ZAN: variants seen among roughly 807,000 people sequenced by gnomAD.
ZAN encodes the protein zonadhesin.
A neutral mutation model predicts 286.2 loss-of-function variants in ZAN; 260 were observed. That is an observed-to-expected ratio of 0.91 (90% confidence interval 0.82 to 1.01). The LOEUF is 1.01. Ranked by LOEUF, ZAN falls within the 50% of genes least tolerant of loss-of-function variation. The probability of loss-of-function intolerance (pLI) is 0.00; values close to 1 mark genes in which losing one functional copy is unlikely to be tolerated. For missense variants in ZAN, 3,410 were observed against 3,639.2 expected, an observed-to-expected ratio of 0.94 and a Z score of 1.62; for synonymous variants, 1,368 against 1,417.5, an observed-to-expected ratio of 0.97 and a Z score of 0.79.
intron 15 of ZAN, among the ~76,000 whole-genome samples, 192 bp downstream of exon 15, chr7:100,755,602 C>T (rs540897528): frequency 6.6e-6 from 1 of 152,088 alleles, no homozygotes; most frequent in Non-Finnish European, 1.5e-5. Flanking sequence ...GACAGGGTCT[C>T]GCTTTGTCGC....
In ZAN at chr7:100,736,983, G is replaced by A. The variant is rs529432579; in HGVS notation, c.428G>A (p.Arg143His). ...RLLLLSGEEG[R>H]RPDVLWKHWN... Reference sequence around the variant, plus strand: ...CTGCTGCTCTCGGGTGAAGAGGGCCGCCGCCCCGATGTGCTCTGGAAACAC... The same window carrying A: ...CTGCTGCTCTCGGGTGAAGAGGGCCACCGCCCCGATGTGCTCTGGAAACAC... The change falls in exon 5 of 48, where the codon CGC becomes CAC. Residue 143 changes from arginine (R) to histidine (H), a missense_variant. Physicochemically the swap from Arg to His is conservative, Grantham distance 29 (BLOSUM62 0). This residue lies in a region of ZAN where 872 missense variants were observed against 938.9 expected (regional missense o/e 0.93). Transcript: ENST00000613979. 27 of 1,502,686 alleles carry A rather than the reference G, an allele frequency of 1.8e-5. 2 individuals carry two copies. The East Asian group carries it at 5.1e-4, about 28-fold the overall frequency. The allele number at this position is 1,502,686 out of a possible 1,614,324, so 93.1% of individuals were successfully genotyped here.
At chr7:100,754,144 T>A (rs565069998) in intron 14 of ZAN, among the ~76,000 whole-genome samples, 2 of 152,170 alleles carry the variant, frequency 1.3e-5, no homozygotes, top group East Asian at 3.9e-4. Context: ...GTAGCATGCA[T>A]CAGGACTTCA....
intron 42 of ZAN, 83 bp downstream of exon 42, chr7:100,792,562 C>T: frequency 6.3e-7 from 1 of 1,587,726 alleles, no homozygotes; most frequent in East Asian, 2.3e-5. Context: ...GTTGCCCCTC[C>T]CTGTGCCGAC....
Position 100,779,758 on chromosome 7 carries a change from T to C in ZAN, c.6622+8T>C. The stretch of plus-strand genomic sequence containing the variant: ...GAAACAGCAGCTTCTGCCGTGAGTG[T>C]GCCCTGCTGTCACCCCAAACCCCTC... On this transcript the variant is annotated splice_region_variant and intron_variant, in intron 35 of 47. Coordinates refer to ENST00000613979, the MANE Select transcript of ZAN (RefSeq NM_003386.3). 6.5e-7 allele frequency: 1 copy of C among 1,545,016 alleles called. No individual in the cohort carries two copies. Among genetic ancestry groups the C allele is most frequent in the South Asian group, 1.2e-5 (1 of 83,990 alleles).
rs979238478 is a variant in ZAN at position 100,734,332 on chromosome 7, G to A, written c.53+111G>A. 12 of 798,668 alleles carry A rather than the reference G, an allele frequency of 1.5e-5. 1 individual carries two copies. Among genetic ancestry groups the A allele is most frequent in the Non-Finnish European group, 2.0e-5 (11 of 536,996 alleles). The allele number at this position is 798,668 out of a possible 1,614,324, so 49.5% of individuals were successfully genotyped here. ...GAGCAGGCTAACTACAAAAGATCTG[G>A]AGAGAGGCCAGGCACGGTGGCTCAC... On this transcript the variant is annotated intron_variant, in intron 2 of 47. Coordinates refer to ENST00000613979, the MANE Select transcript of ZAN (RefSeq NM_003386.3).
chr7:100,786,163 G>A (rs373483321), intron 37 of ZAN, 22 bp downstream of exon 37: 4 of 1,613,334 alleles, frequency 2.5e-6, no homozygotes, highest in Non-Finnish European at 3.4e-6. Context: ...GACCGGGGAG[G>A]TTGGAGAGGG....
Position 100,788,152 on chromosome 7 carries a change from G to C in ZAN, c.7227+16G>C. On this transcript the variant is annotated intron_variant, in intron 38 of 47. Transcript: ENST00000613979. ...GGAGCTTGTGGTAAGAGCTGGGCCA[G>C]GGCCTGGTGGGTGTGGGGAGGCAGC... 2 of 1,461,964 alleles carry C rather than the reference G, an allele frequency of 1.4e-6. No homozygotes were observed. The highest frequency in any genetic ancestry group is 1.8e-6 in the Non-Finnish European group (2 of 1,094,012). 90.6% of individuals were successfully genotyped at this position (1,461,964 alleles called of 1,614,324 possible). A position where few individuals can be genotyped will look rare whatever the true frequency, so the allele number is the denominator to read the frequency against.
At chr7:100,764,957 A>G (rs1012521562) in intron 22 of ZAN, among the ~76,000 whole-genome samples, 6 of 152,134 alleles carry the variant, frequency 3.9e-5, no homozygotes, top group African/African-American at 1.4e-4. Context: ...AGGGGAGGCA[A>G]CGAGGCTGCC....
intron 26 of ZAN, 43 bp from the exon 27 acceptor site, chr7:100,768,567 T>TG: frequency 1.3e-6 from 2 of 1,529,446 alleles, no homozygotes; most frequent in Non-Finnish European, 1.8e-6. Flanking sequence ...CCTGGCCTGC[T>TG]GGGGGGCCCC....
In ZAN at chr7:100,767,167, C is replaced by T. The variant is rs534625824; in HGVS notation, c.4770C>T (p.Arg1590=). 2.5e-6 allele frequency: 4 copies of T among 1,613,832 alleles called. No homozygotes were observed. Among genetic ancestry groups the T allele is most frequent in the African/African-American group, 1.3e-5 (1 of 75,026 alleles). The change falls in exon 25 of 48, where the codon CGC becomes CGT. Residue 1590 remains arginine, a synonymous_variant. Transcript: ENST00000613979. ...YFVVSATNEN[R]GGILEVSYIK... ...TTGTGAGCGCCACCAACGAGAACCG[C>T]GGGGGGATCCTGGAGGTCTCCTACA... is the stretch of plus-strand genomic sequence containing the variant.
At position 100,748,145 on chromosome 7, in the gene ZAN, G is replaced by A. The variant is rs1374668858; in HGVS notation, c.1032G>A (p.Val344=). ...YTAVGRIQFA[V]VGVFGKTPEP... ...TCTCCCTTTCTCTCCAGTTTGCCGT[G>A]GTAGGCGTTTTTGGAAAGACCCCAG... is the stretch of plus-strand genomic sequence containing the variant. The change falls in exon 10 of 48, where the codon GTG becomes GTA. Residue 344 remains valine, a synonymous_variant. Coordinates refer to ENST00000613979, the MANE Select transcript of ZAN (RefSeq NM_003386.3). The A allele has an allele frequency of 2.5e-6, 4 of 1,613,818 alleles. No homozygotes were observed. Among genetic ancestry groups the A allele is most frequent in the Non-Finnish European group, 2.5e-6 (3 of 1,179,862 alleles).
Position 100,777,233 on chromosome 7 carries a change from C to T in ZAN, c.6317+669C>T, listed in dbSNP as rs558412303. Among the ~76,000 whole-genome samples the T allele has an allele frequency of 9.9e-5, 15 of 151,732 alleles. No homozygotes were observed. The East Asian group carries it at 2.0e-3, about 20-fold the overall frequency. Reference sequence around the variant, plus strand: ...TACTTTTTGTAGTTTTTAGCAGAGACGGGGTTTCACCATATTGGCCAGGCT... The same window carrying T: ...TACTTTTTGTAGTTTTTAGCAGAGATGGGGTTTCACCATATTGGCCAGGCT... On this transcript the variant is annotated intron_variant, in intron 34 of 47. Transcript: ENST00000613979.
In ZAN at chr7:100,797,390, T is replaced by C; in HGVS notation, c.8291T>C (p.Leu2764Pro). 6.2e-7 allele frequency: 1 copy of C among 1,613,780 alleles called. No individual in the cohort carries two copies. The highest frequency in any genetic ancestry group is 1.7e-5 in the Admixed American group (1 of 60,002). The change falls in exon 46 of 48, where the codon CTG (leucine) becomes CCG (proline). Residue 2764 changes from leucine (L) to proline (P), a missense_variant. Leu to Pro is a moderately conservative substitution (Grantham distance 98). This residue lies in a region of ZAN where 1,289 missense variants were observed against 1,314.3 expected (regional missense o/e 0.98). Transcript: ENST00000613979. ...GCATCTAACCTGGTGGGCGTCCTAC[T>C]GGGACTGCTGGTGCCTGTGGTGGTC... ...KPASNLVGVL[L>P]GLLVPVVVVL... is the part of the protein sequence containing the mutation.
At chr7:100,745,184 G>GT in intron 7 of ZAN, among the ~76,000 whole-genome samples, 1 of 151,696 alleles carries the variant, frequency 6.6e-6, no homozygotes, top group African/African-American at 2.4e-5. Flanking sequence ...GCGCCAGCCC[G>GT]TGTCCTTGAT....
rs1307630808 is a variant in ZAN at position 100,734,242 on chromosome 7, A to G, written c.53+21A>G. 9 of 1,408,374 alleles carry G rather than the reference A, an allele frequency of 6.4e-6. 3 individuals carry two copies. Among genetic ancestry groups the G allele is most frequent in the Non-Finnish European group, 7.7e-6 (8 of 1,037,268 alleles). The allele number at this position is 1,408,374 out of a possible 1,614,324, so 87.2% of individuals were successfully genotyped here. A position where few individuals can be genotyped will look rare whatever the true frequency, so the allele number is the denominator to read the frequency against. On this transcript the variant is annotated intron_variant, in intron 2 of 47. Coordinates refer to ENST00000613979, the MANE Select transcript of ZAN (RefSeq NM_003386.3). ...TTCAGGTAAGCTGGGCCCAGGGGGTAATGATAAACCAGGGTCAGCTGAGGG... is the reference window on the plus strand; with the variant it reads ...TTCAGGTAAGCTGGGCCCAGGGGGTGATGATAAACCAGGGTCAGCTGAGGG...
At chr7:100,772,111 T>TA in intron 29 of ZAN, 91 bp downstream of exon 29, 1 of 1,316,648 alleles carries the variant, frequency 7.6e-7, no homozygotes. Context: ...TTTTTTTTTT[T>TA]GAGACGGAGT....
At chr7:100,790,909 G>A in intron 39 of ZAN, 33 bp from the exon 40 acceptor site, 2 of 1,455,902 alleles carry the variant, frequency 1.4e-6, no homozygotes, top group Non-Finnish European at 1.9e-6. Flanking sequence ...AGAGTGAGGA[G>A]TCTCACTTCT....
chr7:100,773,760 C>T lies in ZAN; in HGVS notation c.5674C>T (p.Leu1892Phe), dbSNP rs772815465. ...RWYTENTCTR[L>F]CTCSVHNNIT... is the part of the protein sequence containing the mutation. Reference sequence around the variant, plus strand: ...GTACACAGAGAACACCTGCACCAGGCTCTGCACCTGCTCCGTCCACAACAA... The same window carrying T: ...GTACACAGAGAACACCTGCACCAGGTTCTGCACCTGCTCCGTCCACAACAA... Residue 1892 changes from leucine (L) to phenylalanine (F), a missense_variant, in exon 31 of 48, where the codon CTC (leucine) becomes TTC (phenylalanine). Physicochemically the swap from Leu to Phe is conservative, Grantham distance 22. Coordinates refer to ENST00000613979, the MANE Select transcript of ZAN (RefSeq NM_003386.3). 6.2e-6 allele frequency: 10 copies of T among 1,611,622 alleles called. No individual in the cohort carries two copies. Among genetic ancestry groups the T allele is most frequent in the South Asian group, 1.1e-5 (1 of 90,540 alleles).
At chr7:100,781,993 T>C (rs1286071490) in intron 35 of ZAN, among the ~76,000 whole-genome samples, 1 of 152,170 alleles carries the variant, frequency 6.6e-6, no homozygotes, top group East Asian at 1.9e-4. Context: ...AGATTGGACA[T>C]TTTTTCATGT....
Sources: allele counts gnomAD v4.1 joint callset (sites outside exome capture counted in the v4.1 genomes callset), GRCh38; gene constraint gnomAD v4.1.1; regional missense constraint gnomAD v4.1.1; transcripts MANE v1.5; gene names NCBI Gene and HGNC (gene_info 2026-07-23, HGNC 2026-07-21).